Variants in RTL9 observed in about 807,000 individuals in gnomAD.
RTL9 encodes the protein retrotransposon Gag-like protein 9.
RTL9 carries 19 observed loss-of-function variants against 44.7 expected under a neutral mutation model. That is an observed-to-expected ratio of 0.42 (90% CI 0.30 to 0.62). The LOEUF (loss-of-function observed/expected upper bound fraction) is 0.62. RTL9 is among the 20% of genes least tolerant of loss of function. RTL9 has a pLI of 0.16. For missense variants in RTL9, 1,105 were observed against 1,080.6 expected (o/e 1.02, Z -0.32); for synonymous variants, 407 against 398.9 (o/e 1.02, Z -0.24).
chrX:110,395,679 G>A (rs192265219), intron 1 of RTL9, among the ~76,000 whole-genome samples: 15 of 110,732 alleles, frequency 1.4e-4, no homozygotes, highest in African/African-American at 3.9e-4. Flanking sequence ...AATCCTGTGC[G>A]TGTTTGAAGG....
intron 1 of RTL9, among the ~76,000 whole-genome samples, chrX:110,427,809 C>A (rs2148328073): frequency 8.9e-6 from 1 of 112,066 alleles, no homozygotes; most frequent in South Asian, 3.8e-4. Flanking sequence ...CACAGGGAGT[C>A]ATTTGCAATT....
At chrX:110,376,310 T>C (rs754099432) in intron 1 of RTL9, among the ~76,000 whole-genome samples, 1 of 110,974 alleles carries the variant, frequency 9.0e-6, no homozygotes, top group Non-Finnish European at 1.9e-5. Context: ...GAAATGGCCT[T>C]ATGTCCAGGA....
chrX:110,416,781 T>C (rs1443599969), upstream of RTL9, among the ~76,000 whole-genome samples: 5 of 112,277 alleles, frequency 4.5e-5, no homozygotes, highest in Non-Finnish European at 9.4e-5. Context: ...CCTGTCCTTC[T>C]ATAGCAAGAC....
chrX:110,410,060 A>G (rs1219811958), intron 1 of RTL9, among the ~76,000 whole-genome samples: 2 of 111,902 alleles, frequency 1.8e-5, no homozygotes, highest in Non-Finnish European at 3.8e-5. Flanking sequence ...GGTGATTTTG[A>G]TGAGGAACCC....
chrX:110,401,843 A>T (rs2068567356), intron 1 of RTL9, among the ~76,000 whole-genome samples: 1 of 112,508 alleles, frequency 8.9e-6, no homozygotes, highest in African/African-American at 3.2e-5. Flanking sequence ...ACATGAGATA[A>T]CACACTTACG....
chrX:110,431,640 A>G (rs2148331721), intron 1 of RTL9, among the ~76,000 whole-genome samples: 1 of 111,551 alleles, frequency 9.0e-6, no homozygotes, highest in East Asian at 2.8e-4. Flanking sequence ...CCTGGTGTGA[A>G]GACAGACCCT....
intron 1 of RTL9, among the ~76,000 whole-genome samples, chrX:110,429,383 T>C (rs1175278186): frequency 8.9e-6 from 1 of 111,916 alleles, no homozygotes; most frequent in Non-Finnish European, 1.9e-5. Flanking sequence ...TCCCTCATTA[T>C]TAGCTATGCA....
rs750897143 is a variant in RTL9 at position 110,452,933 on chromosome X, G to A, written c.2316G>A (p.Met772Ile). The A allele has an allele frequency of 6.8e-5, 82 of 1,210,151 alleles. No individual in the cohort carries two copies. The East Asian group carries it at 1.5e-3, about 23-fold the overall frequency. ...CTGAAACAATGTCCACACCACTAAT[G>A]AGAACCTCAGACCCTGGAGAGAGGC... The change falls in exon 1 of 2, where the codon ATG becomes ATA. Residue 772 changes from methionine to isoleucine, a missense_variant. By Grantham distance (10) the Met-to-Ile change is conservative. Coordinates refer to ENST00000540313, the Ensembl canonical transcript of RTL9.
intron 1 of RTL9, among the ~76,000 whole-genome samples, chrX:110,394,098 A>C (rs776417895): frequency 8.9e-6 from 1 of 112,381 alleles, no homozygotes; most frequent in African/African-American, 3.2e-5. Flanking sequence ...AACCGCTGTC[A>C]CTCATTGATT....
At chrX:110,390,311 A>G (rs1174327650) in intron 1 of RTL9, among the ~76,000 whole-genome samples, 2 of 111,999 alleles carry the variant, frequency 1.8e-5, no homozygotes, top group Non-Finnish European at 3.8e-5. Flanking sequence ...AATAAAATAA[A>G]TGTTTACAAG....
intron 1 of RTL9, among the ~76,000 whole-genome samples, chrX:110,420,856 T>A (rs2068712292): frequency 9.0e-6 from 1 of 111,347 alleles, no homozygotes; most frequent in South Asian, 3.9e-4. Context: ...GGGAGGCAGG[T>A]TTCCGATCCT....
At position 110,451,950 on chromosome X, in the gene RTL9, C is replaced by CCAAGCT. The variant is rs772077898; in HGVS notation, c.1335_1340dup (p.Ser446_Ser447dup). 33 of 1,209,730 alleles carry CCAAGCT rather than the reference C, an allele frequency of 2.7e-5. No individual in the cohort carries two copies. In the Middle Eastern group the frequency reaches 1.8e-3, roughly 67 times the overall value. ...CATGACCACCTCACTGATGACAGTC[C>CCAAGCT]CAAGCTCTGGAGTGATGTCCACAGA... is the stretch of plus-strand genomic sequence containing the variant. On this transcript the variant is annotated inframe_insertion, in exon 1 of 2. Coordinates refer to ENST00000540313, the Ensembl canonical transcript of RTL9.
chrX:110,435,504 C>T (rs1286140276), intron 1 of RTL9, among the ~76,000 whole-genome samples: 1 of 111,985 alleles, frequency 8.9e-6, no homozygotes, highest in Non-Finnish European at 1.9e-5. Flanking sequence ...CCTAGCAGGT[C>T]CCAGAACAAA....
Position 110,434,083 on chromosome X carries a change from G to A in RTL9, c.-167-11070G>A, listed in dbSNP as rs765880611. ...TTGAGCAGCATCTTGAGGGATGGCAGGTTATGTCAGGAGGAACAGTGGAGG... is the reference window on the plus strand; with the variant it reads ...TTGAGCAGCATCTTGAGGGATGGCAAGTTATGTCAGGAGGAACAGTGGAGG... On this transcript the variant is annotated intron_variant, in intron 1 of 3. Coordinates refer to the RTL9 transcript ENST00000465301. Among the ~76,000 whole-genome samples the A allele has an allele frequency of 3.6e-5, 4 of 111,738 alleles. No homozygotes were observed. The East Asian group carries it at 1.1e-3, about 31-fold the overall frequency.
chrX:110,424,323 CTACTACTAT>C (rs2148324573), intron 1 of RTL9, among the ~76,000 whole-genome samples: 2 of 111,820 alleles, frequency 1.8e-5, no homozygotes, highest in African/African-American at 6.5e-5. Context: ...GTTGCTGCTG[CTACTACTAT>C]TACTACTACT....
chrX:110,391,823 A>AACGACT (rs2068495693), intron 1 of RTL9, among the ~76,000 whole-genome samples: 1 of 112,321 alleles, frequency 8.9e-6, no homozygotes, highest in African/African-American at 3.2e-5. Flanking sequence ...GAACAGCATC[A>AACGACT]TCTTCCCCTT....
chrX:110,378,782 C>T (rs982732021), intron 1 of RTL9, among the ~76,000 whole-genome samples: 2 of 111,670 alleles, frequency 1.8e-5, no homozygotes, highest in African/African-American at 6.5e-5. Context: ...ACTGAAATGG[C>T]GCCTGCTGTA....
At chrX:110,390,044 A>T (rs2148285201) in intron 1 of RTL9, among the ~76,000 whole-genome samples, 1 of 111,913 alleles carries the variant, frequency 8.9e-6, no homozygotes, top group East Asian at 2.8e-4. Flanking sequence ...TTTTCACTTG[A>T]ACAAGATACA....
At chrX:110,437,704 A>T (rs1287401938) in intron 1 of RTL9, among the ~76,000 whole-genome samples, 1 of 111,774 alleles carries the variant, frequency 8.9e-6, no homozygotes, top group Non-Finnish European at 1.9e-5. Flanking sequence ...TATCAGAGGA[A>T]GCAAAGGGTG....
Sources: gnomAD v4.1 joint callset for allele counts (sites outside exome capture counted in the v4.1 genomes callset) on GRCh38, gnomAD v4.1.1 for gene constraint, MANE v1.5 for transcripts, NCBI Gene and HGNC (gene_info 2026-07-23, HGNC 2026-07-21) for gene names.